The following AMMECR1 variants were observed in gnomAD, a reference collection of about 807,000 sequenced individuals.
The protein encoded by AMMECR1 is AMMECR nuclear protein 1.
A neutral mutation model predicts 22.5 loss-of-function variants in AMMECR1; 3 were observed. The ratio of observed to expected loss-of-function variants is 0.13; its 90% CI spans 0.06 to 0.35. The LOEUF is 0.35. AMMECR1 is among the 10% of genes least tolerant of loss of function. The pLI, the probability that AMMECR1 is intolerant of heterozygous loss-of-function variation, is 1.00. For synonymous variants in AMMECR1, 130 were observed against 116.7 expected (o/e 1.11, Z -0.74); for missense variants, 235 against 278.7 (o/e 0.84, Z 1.12).
intron 1 of AMMECR1, among the ~76,000 whole-genome samples, chrX:110,297,253 C>T (rs1458437800): frequency 8.9e-6 from 1 of 112,133 alleles, no homozygotes; most frequent in Non-Finnish European, 1.9e-5. Flanking sequence ...TTCCTGCTTG[C>T]ACAGGGTCTA....
chrX:110,200,777 A>G (rs2067393323), intron 5 of AMMECR1, among the ~76,000 whole-genome samples, 177 bp downstream of exon 5: 1 of 112,200 alleles, frequency 8.9e-6, no homozygotes, highest in Non-Finnish European at 1.9e-5. Flanking sequence ...TACATCACAC[A>G]GGCTTTACTA....
rs1366203401 is a variant in AMMECR1 at position 110,198,281 on chromosome X, T to G, written c.*239A>C. ...ATTATAAGGAAAAAAAAACCCAAAA[T>G]TATATATGCTGCAAAAAAAAAATCA... is the stretch of plus-strand genomic sequence containing the variant. On this transcript the variant is annotated 3_prime_UTR_variant, in exon 6 of 6. Coordinates refer to ENST00000262844, the MANE Select transcript of AMMECR1 (RefSeq NM_015365.3). The G allele has an allele frequency of 1.6e-5, 4 of 243,748 alleles. No homozygotes were observed. The highest frequency in any genetic ancestry group is 2.9e-5 in the Non-Finnish European group (4 of 137,953). 20.1% of individuals were successfully genotyped at this position (243,748 alleles called of 1,213,427 possible).
intron 1 of AMMECR1, among the ~76,000 whole-genome samples, chrX:110,285,811 C>T (rs923988770): frequency 1.8e-5 from 2 of 111,064 alleles, no homozygotes; most frequent in Non-Finnish European, 3.8e-5. Context: ...TTTTCAACCC[C>T]CAAGAGCACC....
intron 1 of AMMECR1, among the ~76,000 whole-genome samples, chrX:110,309,787 GAC>G (rs1313253173): frequency 1.8e-5 from 2 of 111,931 alleles, no homozygotes; most frequent in African/African-American, 6.5e-5. Context: ...TAAGCTTTAG[GAC>G]ACACAACCTA....
intron 2 of AMMECR1, among the ~76,000 whole-genome samples, chrX:110,367,526 A>G (rs188190512): frequency 2.3e-3 from 260 of 111,458 alleles, no homozygotes; most frequent in Non-Finnish European, 3.7e-3. Context: ...CTTGGCTTCC[A>G]GGACACCATG....
chrX:110,291,277 C>T (rs762617001), intron 1 of AMMECR1, among the ~76,000 whole-genome samples: 1 of 111,261 alleles, frequency 9.0e-6, no homozygotes, highest in Admixed American at 9.5e-5. Context: ...AATCCCAACA[C>T]ATGGGGAGGC....
intron 2 of AMMECR1, among the ~76,000 whole-genome samples, chrX:110,259,382 C>T (rs947350734): frequency 2.7e-5 from 3 of 110,995 alleles, no homozygotes; most frequent in African/African-American, 9.8e-5. Flanking sequence ...ATTTCACTGC[C>T]GAGAGGTCTA....
In AMMECR1 at chrX:110,305,439, C is replaced by T. The variant is rs749249449; in HGVS notation, c.473+12160G>A. ...ACCTCTAAATGGAACAAGTTAGATA[C>T]TGCTCCAAAACCCAAATTGATGCAT... On this transcript the variant is annotated intron_variant, in intron 1 of 5. Transcript: ENST00000262844. The T allele has an allele frequency of 6.2e-4, 70 of 112,048 alleles. 1 individual carries two copies. Among genetic ancestry groups the T allele is most frequent in the African/African-American group, 2.2e-3 (69 of 30,841 alleles). The allele number at this position is 112,048 out of a possible 1,213,427, so 9.2% of individuals were successfully genotyped here.
rs896925200 is a variant in AMMECR1 at position 110,405,365 on chromosome X, G to A, written c.-148+21293C>T. Among the ~76,000 whole-genome samples the A allele has an allele frequency of 3.6e-5, 4 of 111,454 alleles. No individual in the cohort carries two copies. In the East Asian group the frequency reaches 1.1e-3, roughly 31 times the overall value. Reference sequence around the variant, plus strand: ...TGAAAGGAGCCCCTTCTGAGCAAATGGGTAGCAGCGTAAAAGCCAAATTAA... The same window carrying A: ...TGAAAGGAGCCCCTTCTGAGCAAATAGGTAGCAGCGTAAAAGCCAAATTAA... On this transcript the variant is annotated intron_variant, in intron 2 of 7. Coordinates refer to the AMMECR1 transcript ENST00000372057.
At chrX:110,367,334 CT>C (rs1344146947) in intron 2 of AMMECR1, among the ~76,000 whole-genome samples, 1 of 112,094 alleles carries the variant, frequency 8.9e-6, no homozygotes, top group African/African-American at 3.2e-5. Flanking sequence ...CTCATTTTCT[CT>C]TGAATCCTCT....
intron 3 of AMMECR1, among the ~76,000 whole-genome samples, chrX:110,209,733 G>A (rs1423221079): frequency 1.8e-5 from 2 of 110,738 alleles, no homozygotes; most frequent in African/African-American, 6.6e-5. Context: ...GAGATCTTAG[G>A]TATCACTTAG....
In AMMECR1 at chrX:110,326,333, A is replaced by G. The variant is rs188137478; in HGVS notation, c.-147-8484T>C. Among the ~76,000 whole-genome samples the G allele has an allele frequency of 5.2e-3, 588 of 112,196 alleles. 4 individuals carry two copies. The highest frequency in any genetic ancestry group is 0.018 in the African/African-American group (551 of 30,887). ...TTGTGGTTTTGTTTACATTTGTCCC[A>G]AAGTATTTTCTAATTTCCCTTGTGA... On this transcript the variant is annotated intron_variant, in intron 2 of 7. Transcript: ENST00000372057.
At chrX:110,200,605 G>T (rs2067392259) in intron 5 of AMMECR1, among the ~76,000 whole-genome samples, 1 of 111,851 alleles carries the variant, frequency 8.9e-6, no homozygotes, top group African/African-American at 3.2e-5. Flanking sequence ...CGAATTTGAG[G>T]ACTGTTTATC....
chrX:110,227,049 A>G (rs1379156538), intron 2 of AMMECR1, among the ~76,000 whole-genome samples: 5 of 111,813 alleles, frequency 4.5e-5, no homozygotes, highest in Non-Finnish European at 7.5e-5. Flanking sequence ...TGGAAGTCAT[A>G]ATAGGTTACC....
chrX:110,262,937 A>G, intron 2 of AMMECR1, among the ~76,000 whole-genome samples: 1 of 111,662 alleles, frequency 9.0e-6, no homozygotes, highest in Middle Eastern at 4.6e-3. Flanking sequence ...TATACATAAC[A>G]CTATTAACAT....
chrX:110,237,210 T>C (rs1013620512), intron 2 of AMMECR1, among the ~76,000 whole-genome samples: 21 of 111,313 alleles, frequency 1.9e-4, no homozygotes, highest in African/African-American at 6.5e-4. Context: ...AGGGCAGGCA[T>C]AGAAAAAAGA....
At chrX:110,222,388 T>C (rs1286090672) in intron 2 of AMMECR1, among the ~76,000 whole-genome samples, 4 of 88,470 alleles carry the variant, frequency 4.5e-5, no homozygotes, top group East Asian at 3.8e-4. Flanking sequence ...TAGGTGGGAA[T>C]TGAACAATGA....
intron 1 of AMMECR1, among the ~76,000 whole-genome samples, chrX:110,265,750 CAT>C (rs1453431047): frequency 1.8e-5 from 2 of 111,575 alleles, no homozygotes; most frequent in Non-Finnish European, 3.8e-5. Context: ...GGGGATATAC[CAT>C]ATGTTTTTTT....
chrX:110,283,894 G>A (rs773459557), intron 1 of AMMECR1, among the ~76,000 whole-genome samples: 1 of 111,536 alleles, frequency 9.0e-6, no homozygotes, highest in Admixed American at 9.5e-5. Context: ...GGCCGAGGAG[G>A]GTGGATCACT....
Sources: gnomAD v4.1 joint callset for allele counts (sites outside exome capture counted in the v4.1 genomes callset) on GRCh38, gnomAD v4.1.1 for gene constraint, MANE v1.5 for transcripts, NCBI Gene and HGNC (gene_info 2026-07-23, HGNC 2026-07-21) for gene names.